KCNK1: variants seen among roughly 807,000 people sequenced by gnomAD.
The protein encoded by KCNK1 is potassium channel subfamily K member 1.
A neutral mutation model predicts 22.2 loss-of-function variants in KCNK1; 10 were observed. The ratio of observed to expected loss-of-function variants is 0.45; its 90% confidence interval spans 0.28 to 0.76. The LOEUF is 0.76. KCNK1 is among the 30% of genes least tolerant of loss of function. The pLI is 0.14. For missense variants in KCNK1, 378 were observed against 421.0 expected, an observed-to-expected ratio of 0.90 and a Z score of 0.89; for synonymous variants, 200 against 186.4, an observed-to-expected ratio of 1.07 and a Z score of -0.60.
In KCNK1 at chr1:233,614,405, C is replaced by G. The variant is rs1264295196; in HGVS notation, c.234C>G (p.Phe78Leu). The change falls in exon 1 of 3, where the codon TTC becomes TTG. Residue 78 changes from phenylalanine (F) to leucine (L), a missense_variant. Transcript: ENST00000366621. ...ECLSEQQLEQ[F>L]LGRVLEASNY... is the part of the protein sequence containing the mutation. Reference sequence around the variant, plus strand: ...TGTCTGAGCAGCAGCTGGAGCAGTTCCTGGGCCGGGTGCTGGAGGCCAGCA... The same window carrying G: ...TGTCTGAGCAGCAGCTGGAGCAGTTGCTGGGCCGGGTGCTGGAGGCCAGCA... The G allele has an allele frequency of 1.4e-5, 22 of 1,612,096 alleles. No homozygotes were observed. Among genetic ancestry groups the G allele is most frequent in the Non-Finnish European group, 1.6e-5 (19 of 1,179,296 alleles).
chr1:233,630,950 T>C, intron 1 of KCNK1: 1 of 214,862 alleles, frequency 4.7e-6, no homozygotes, highest in Non-Finnish European at 9.5e-6. Flanking sequence ...AAGTGCACTT[T>C]CAGAGCAGTG....
At chr1:233,630,020 T>G (rs1005988739) in intron 1 of KCNK1, 5 of 152,166 alleles carry the variant, frequency 3.3e-5, no homozygotes, top group African/African-American at 1.2e-4. Flanking sequence ...TCTCTTCACC[T>G]CCTGATACCT....
intron 1 of KCNK1, among the ~76,000 whole-genome samples, chr1:233,646,686 C>T (rs563330005): frequency 2.6e-5 from 4 of 152,058 alleles, no homozygotes; most frequent in East Asian, 1.9e-4. Flanking sequence ...AGAACCAACA[C>T]GGGAAACAGA....
At chr1:233,665,280 G>A (rs1477140425) in intron 1 of KCNK1, among the ~76,000 whole-genome samples, 1 of 152,216 alleles carries the variant, frequency 6.6e-6, no homozygotes, top group Non-Finnish European at 1.5e-5. Flanking sequence ...GCGGTACAGA[G>A]TAAGAGATAA....
At chr1:233,619,693 C>T (rs936348832) in intron 1 of KCNK1, among the ~76,000 whole-genome samples, 51 of 152,120 alleles carry the variant, frequency 3.4e-4, no homozygotes, top group Non-Finnish European at 5.3e-4. Flanking sequence ...AGGTGGATCA[C>T]GCAGTCAGGA....
intron 1 of KCNK1, among the ~76,000 whole-genome samples, chr1:233,649,664 G>C (rs748793934): frequency 3.9e-5 from 6 of 152,136 alleles, no homozygotes; most frequent in Admixed American, 1.3e-4. Flanking sequence ...TGGTGGAAGG[G>C]GCAAATAGGC....
At chr1:233,630,282 T>C (rs1406426308) in intron 1 of KCNK1, among the ~76,000 whole-genome samples, 1 of 152,214 alleles carries the variant, frequency 6.6e-6, no homozygotes. Context: ...AATAAATTAT[T>C]TTTTGTCAGA....
At chr1:233,642,935 A>AT (rs11459973) in intron 1 of KCNK1, among the ~76,000 whole-genome samples, 42,948 of 133,108 alleles carry the variant, frequency 0.32, 7,302 homozygotes, top group African/African-American at 0.46. Flanking sequence ...CACCCGGCTA[A>AT]TTTTTTTTTT....
chr1:233,645,704 ACGAATAC>A (rs1658080997), intron 1 of KCNK1, among the ~76,000 whole-genome samples: 1 of 152,236 alleles, frequency 6.6e-6, no homozygotes, highest in Non-Finnish European at 1.5e-5. Flanking sequence ...GCCACAGGAA[ACGAATAC>A]CAGTGTCTCA....
intron 1 of KCNK1, among the ~76,000 whole-genome samples, chr1:233,648,909 G>A (rs2102900082): frequency 6.6e-6 from 1 of 152,230 alleles, no homozygotes; most frequent in African/African-American, 2.4e-5. Flanking sequence ...TCCTTTGTGG[G>A]TACAGGGGCC....
intron 1 of KCNK1, among the ~76,000 whole-genome samples, chr1:233,655,454 G>A (rs906493163): frequency 2.0e-5 from 3 of 152,148 alleles, no homozygotes; most frequent in Non-Finnish European, 4.4e-5. Flanking sequence ...GGAACCATTG[G>A]AATGGACTGA....
chr1:233,624,602 G>A (rs969580773), intron 1 of KCNK1, among the ~76,000 whole-genome samples: 3 of 152,116 alleles, frequency 2.0e-5, no homozygotes, highest in Admixed American at 6.6e-5. Context: ...CTGAATCTGT[G>A]CCTTTTCTGA....
At chr1:233,658,836 CACTT>C (rs1658344050) in intron 1 of KCNK1, among the ~76,000 whole-genome samples, 1 of 152,128 alleles carries the variant, frequency 6.6e-6, no homozygotes, top group South Asian at 2.1e-4. Flanking sequence ...CTGTATGAGA[CACTT>C]AGCATGAATG....
In KCNK1 at chr1:233,614,260, A is replaced by G. The variant is rs760701577; in HGVS notation, c.89A>G (p.Tyr30Cys). The change falls in exon 1 of 3, where the codon TAC becomes TGC. Residue 30 changes from tyrosine to cysteine, a missense_variant. By Grantham distance (194) the Tyr-to-Cys change is radical. Coordinates refer to ENST00000366621, the MANE Select transcript of KCNK1 (RefSeq NM_002245.4). Reference sequence around the variant, plus strand: ...TGCTTCGGCTTCCTGGTGCTGGGCTACTTGCTCTACCTGGTCTTCGGCGCA... The same window carrying G: ...TGCTTCGGCTTCCTGGTGCTGGGCTGCTTGCTCTACCTGGTCTTCGGCGCA... ...AWCFGFLVLG[Y>C]LLYLVFGAVV... 3 of 1,613,276 alleles carry G rather than the reference A, an allele frequency of 1.9e-6. No individual in the cohort carries two copies. The highest frequency in any genetic ancestry group is 1.1e-5 in the South Asian group (1 of 90,982).
chr1:233,638,424 A>G (rs532202070), intron 1 of KCNK1, among the ~76,000 whole-genome samples: 17 of 32,638 alleles, frequency 5.2e-4, no homozygotes, highest in East Asian at 2.8e-3. Flanking sequence ...AAAAGAGAGA[A>G]AAAAAAAAAA....
At chr1:233,624,663 A>G (rs1657654046) in intron 1 of KCNK1, among the ~76,000 whole-genome samples, 2 of 152,224 alleles carry the variant, frequency 1.3e-5, no homozygotes, top group African/African-American at 4.8e-5. Flanking sequence ...GACCTTAGAT[A>G]TAACTTTATT....
intron 1 of KCNK1, among the ~76,000 whole-genome samples, chr1:233,617,978 T>C (rs946674700): frequency 3.3e-5 from 5 of 152,128 alleles, no homozygotes; most frequent in African/African-American, 1.2e-4. Context: ...AAAAGCTAAA[T>C]AACTGGAGGA....
At chr1:233,662,145 G>A (rs1658404188) in intron 1 of KCNK1, among the ~76,000 whole-genome samples, 1 of 152,184 alleles carries the variant, frequency 6.6e-6, no homozygotes, top group Non-Finnish European at 1.5e-5. Context: ...TTTTACAGAA[G>A]GGGAAACATT....
chr1:233,615,336 G>C (rs994569761), intron 1 of KCNK1, among the ~76,000 whole-genome samples: 23 of 152,272 alleles, frequency 1.5e-4, no homozygotes, highest in African/African-American at 5.5e-4. Flanking sequence ...TCACCCGCGG[G>C]GCGCCCGGCC....
Sources: allele counts gnomAD v4.1 joint callset (sites outside exome capture counted in the v4.1 genomes callset), GRCh38; gene constraint gnomAD v4.1.1; transcripts MANE v1.5; gene names NCBI Gene and HGNC (gene_info 2026-07-23, HGNC 2026-07-21).